Variants in MBP observed in about 807,000 individuals in gnomAD.
MBP encodes the protein Golli-MBP.
MBP carries 16 observed loss-of-function variants against 35.8 expected under a neutral mutation model. The ratio of observed to expected loss-of-function variants is 0.45; its 90% CI spans 0.30 to 0.68. The LOEUF is 0.68. Among genes scored for constraint, MBP ranks in the 30% least tolerant of loss-of-function variants. The pLI, the probability that MBP is intolerant of heterozygous loss-of-function variation, is 0.08. For missense variants in MBP, 380 were observed against 404.7 expected, an observed-to-expected ratio of 0.94 and a Z score of 0.52; for synonymous variants, 143 against 159.6, an observed-to-expected ratio of 0.90 and a Z score of 0.78.
At chr18:77,029,355 G>A (rs112986773) in intron 3 of MBP, among the ~76,000 whole-genome samples, 64,836 of 135,114 alleles carry the variant, frequency 0.48, 15,452 homozygotes, top group Non-Finnish European at 0.59. Flanking sequence ...AGCCGAGATG[G>A]CAGCAGTACA....
rs553881971 is a variant in MBP at position 77,068,660 on chromosome 18, C to T, written c.52-2275G>A. The stretch of plus-strand genomic sequence containing the variant: ...TGCCAGGCTTCTGTTGCTGGTTGGC[C>T]GCTGTAGAAACCAAGCTGCTGCTTT... On this transcript the variant is annotated intron_variant, in intron 2 of 8. Transcript: ENST00000355994. Among the ~76,000 whole-genome samples, 8 of 152,284 alleles carry T rather than the reference C, an allele frequency of 5.3e-5. No individual in the cohort carries two copies. The South Asian group carries it at 1.4e-3, about 28-fold the overall frequency.
chr18:77,116,838 G>T (rs1483640962), intron 1 of MBP, among the ~76,000 whole-genome samples: 1 of 151,994 alleles, frequency 6.6e-6, no homozygotes, highest in African/African-American at 2.4e-5. Flanking sequence ...CTGCACTCCA[G>T]CCTGGGAGAC....
intron 4 of MBP, among the ~76,000 whole-genome samples, chr18:77,002,336 A>G (rs1365963427): frequency 6.6e-6 from 1 of 152,252 alleles, no homozygotes; most frequent in Non-Finnish European, 1.5e-5. Flanking sequence ...CGTGTGGTCC[A>G]TGATGTCATT....
In MBP at chr18:76,979,812, C is replaced by T. The variant is rs1320931428; in HGVS notation, c.*615G>A. ...GCAGCCACGGCCTGGGGAGGTGGCCCCCTCTCTGTGCTGCCCCACGTTGGA... is the reference window on the plus strand; with the variant it reads ...GCAGCCACGGCCTGGGGAGGTGGCCTCCTCTCTGTGCTGCCCCACGTTGGA... On this transcript the variant is annotated 3_prime_UTR_variant, in exon 9 of 9. Coordinates refer to ENST00000355994, the MANE Select transcript of MBP (RefSeq NM_001025101.2). 1 of 605,190 alleles carries T rather than the reference C, an allele frequency of 1.7e-6. No individual in the cohort carries two copies. The highest frequency in any genetic ancestry group is 2.9e-6 in the Non-Finnish European group (1 of 339,570). The allele number at this position is 605,190 out of a possible 1,614,324, so 37.5% of individuals were successfully genotyped here. A position where few individuals can be genotyped will look rare whatever the true frequency, so the allele number is the denominator to read the frequency against.
intron 4 of MBP, among the ~76,000 whole-genome samples, chr18:76,993,779 C>A (rs1970108625): frequency 6.6e-6 from 1 of 152,182 alleles, no homozygotes; most frequent in Non-Finnish European, 1.5e-5. Flanking sequence ...GCGGGTACCC[C>A]TCTGTTTACT....
intron 3 of MBP, among the ~76,000 whole-genome samples, chr18:77,041,148 A>T (rs1481409016): frequency 6.6e-6 from 1 of 152,276 alleles, no homozygotes; most frequent in Admixed American, 6.5e-5. Flanking sequence ...AAAAGAAGAC[A>T]TTTATGCAGC....
In MBP at chr18:76,984,569, C is replaced by T. The variant is rs553810378; in HGVS notation, c.870+206G>A. On this transcript the variant is annotated intron_variant, in intron 8 of 8. Coordinates refer to ENST00000355994, the MANE Select transcript of MBP (RefSeq NM_001025101.2). ...GGCGCAGCCCTTCCTCAAGCACCTC[C>T]GGCTTCACATGCATCTCGGAGGAAA... The T allele has an allele frequency of 4.3e-5, 28 of 651,130 alleles. 1 individual carries two copies. Among genetic ancestry groups the T allele is most frequent in the Non-Finnish European group, 5.7e-5 (22 of 389,062 alleles). The allele number at this position is 651,130 out of a possible 1,614,324, so 40.3% of individuals were successfully genotyped here.
chr18:77,001,938 G>A (rs947583873), intron 4 of MBP, among the ~76,000 whole-genome samples: 19 of 152,230 alleles, frequency 1.2e-4, no homozygotes, highest in African/African-American at 4.6e-4. Flanking sequence ...ACACAGCCAC[G>A]TGTTGGAACA....
intron 3 of MBP, among the ~76,000 whole-genome samples, chr18:77,065,360 C>T (rs924712749): frequency 6.6e-6 from 1 of 152,072 alleles, no homozygotes. Flanking sequence ...CCACTGGTCT[C>T]ATCAGGGGCC....
chr18:77,131,069 A>C lies in MBP; in HGVS notation c.-26+1511T>G, dbSNP rs1379506363. ...AAACCTCAAAAAACAAAACACACACACGCGCGCACGCACGCGCACACACAC... is the reference window on the plus strand; with the variant it reads ...AAACCTCAAAAAACAAAACACACACCCGCGCGCACGCACGCGCACACACAC... On this transcript the variant is annotated intron_variant, in intron 1 of 8. Transcript: ENST00000355994. This position sits in a 1 kb window ranked among gnomAD's most constrained non-coding sequence, Gnocchi z 5.5. 1.2e-5 allele frequency among the ~76,000 whole-genome samples: 1 copy of C among 80,700 alleles called. No homozygotes were observed. The highest frequency in any genetic ancestry group is 1.2e-4 in the Admixed American group (1 of 8,552). 52.9% of individuals were successfully genotyped at this position (80,700 alleles called of 152,430 possible). A position where few individuals can be genotyped will look rare whatever the true frequency, so the allele number is the denominator to read the frequency against.
At chr18:77,120,324 G>A (rs894111226) in intron 1 of MBP, among the ~76,000 whole-genome samples, 8 of 152,220 alleles carry the variant, frequency 5.3e-5, no homozygotes, top group African/African-American at 9.6e-5. Context: ...GACCTCAGAC[G>A]CGCTGCACAC....
intron 2 of MBP, among the ~76,000 whole-genome samples, chr18:77,081,767 T>TACAC (rs1208032259): frequency 1.8e-4 from 18 of 99,868 alleles, no homozygotes; most frequent in African/African-American, 6.4e-4. Context: ...TATATATATA[T>TACAC]ACACACACAC....
chr18:77,017,453 G>A, intron 3 of MBP, 185 bp from the exon 4 acceptor site: 1 of 432,260 alleles, frequency 2.3e-6, no homozygotes, highest in Non-Finnish European at 3.9e-6. Context: ...GCAGCTCTGT[G>A]TTTCAGAAGG....
intron 3 of MBP, among the ~76,000 whole-genome samples, chr18:77,023,273 C>G (rs933722238): frequency 6.6e-6 from 1 of 152,170 alleles, no homozygotes; most frequent in South Asian, 2.1e-4. Flanking sequence ...GCGTCATGAC[C>G]TGAGGAAGCT....
At chr18:77,022,922 G>T (rs933264626) in intron 3 of MBP, among the ~76,000 whole-genome samples, 3 of 152,200 alleles carry the variant, frequency 2.0e-5, no homozygotes, top group African/African-American at 7.2e-5. Flanking sequence ...AAATCCCAAT[G>T]CAGACTTTTA....
intron 4 of MBP, among the ~76,000 whole-genome samples, chr18:77,008,312 G>A (rs1042365649): frequency 6.6e-6 from 1 of 152,138 alleles, no homozygotes; most frequent in South Asian, 2.1e-4. Flanking sequence ...TCTCAGTGAA[G>A]CCCAGGTGGC....
At position 77,025,705 on chromosome 18, in the gene MBP, C is replaced by CTTTTTTTTTTTTTTTTTT. The variant is rs540022394; in HGVS notation, c.140-8455_140-8438dup. On this transcript the variant is annotated intron_variant, in intron 3 of 8. Coordinates refer to ENST00000355994, the MANE Select transcript of MBP (RefSeq NM_001025101.2). Reference sequence around the variant, plus strand: ...GCGGACACTGTCCTCTATTGAAATACTTTTTTTTTTTTTTTTTTTTACCTA... The same window carrying CTTTTTTTTTTTTTTTTTT: ...GCGGACACTGTCCTCTATTGAAATACTTTTTTTTTTTTTTTTTTTTTTTTTTTTTTTTTTTTTTACCTA... 4.5e-4 allele frequency among the ~76,000 whole-genome samples: 49 copies of CTTTTTTTTTTTTTTTTTT among 108,792 alleles called. 6 individuals are homozygous for CTTTTTTTTTTTTTTTTTT. Among genetic ancestry groups the CTTTTTTTTTTTTTTTTTT allele is most frequent in the East Asian group, 2.7e-3 (8 of 2,958 alleles). The allele number at this position is 108,792 out of a possible 152,430, so 71.4% of individuals were successfully genotyped here. A position where few individuals can be genotyped will look rare whatever the true frequency, so the allele number is the denominator to read the frequency against.
intron 3 of MBP, among the ~76,000 whole-genome samples, chr18:77,027,765 G>A (rs147502900): frequency 7.8e-4 from 119 of 152,326 alleles, no homozygotes; most frequent in African/African-American, 2.6e-3. Context: ...ATAGCTGACT[G>A]CAGCCTCAAC....
chr18:77,128,091 C>T (rs1347825584), intron 1 of MBP: 1 of 152,216 alleles, frequency 6.6e-6, no homozygotes, highest in African/African-American at 2.4e-5. Flanking sequence ...CAAGAATGTT[C>T]ACAGCAGCTC....
Sources: gnomAD v4.1 joint callset for allele counts (sites outside exome capture counted in the v4.1 genomes callset) on GRCh38, gnomAD v4.1.1 for gene constraint, Gnocchi (gnomAD v3.1) non-coding constraint, MANE v1.5 for transcripts, NCBI Gene and HGNC (gene_info 2026-07-23, HGNC 2026-07-21) for gene names.